PAM: variants seen among roughly 807,000 people sequenced by gnomAD.
PAM encodes peptidyl-glycine alpha-amidating monooxygenase.
PAM carries 72 observed loss-of-function variants against 122.1 expected under a neutral mutation model. The ratio of observed to expected loss-of-function variants is 0.59; its 90% CI spans 0.49 to 0.72. The LOEUF is 0.72. Ranked by LOEUF, PAM falls within the 30% of genes least tolerant of loss-of-function variation. The probability of loss-of-function intolerance (pLI) is 0.00; values close to 1 mark genes in which losing one functional copy is unlikely to be tolerated. For synonymous variants in PAM, 389 were observed against 404.4 expected, an observed-to-expected ratio of 0.96 and a Z score of 0.46; for missense variants, 1,106 against 1,183.7, an observed-to-expected ratio of 0.93 and a Z score of 0.96.
intron 1 of PAM, among the ~76,000 whole-genome samples, chr5:102,798,698 T>C (rs549349197): frequency 1.2e-4 from 19 of 152,326 alleles, no homozygotes; most frequent in African/African-American, 4.6e-4. Flanking sequence ...TAATAAAAAT[T>C]GCAAATCTGG....
intron 1 of PAM, among the ~76,000 whole-genome samples, chr5:102,782,095 T>C (rs1473287291): frequency 6.6e-6 from 1 of 152,230 alleles, no homozygotes; most frequent in East Asian, 1.9e-4. Flanking sequence ...GCTCATGAAA[T>C]GGATATTCCT....
chr5:102,860,670 A>T (rs1428879888), intron 1 of PAM, among the ~76,000 whole-genome samples: 2 of 151,918 alleles, frequency 1.3e-5, no homozygotes, highest in Non-Finnish European at 1.5e-5. Context: ...TGGGCAACAG[A>T]GCGTGAGACC....
intron 1 of PAM, among the ~76,000 whole-genome samples, chr5:102,761,918 A>G (rs921726238): frequency 5.3e-5 from 8 of 152,356 alleles, no homozygotes; most frequent in African/African-American, 1.7e-4. Context: ...CCTTATTTTC[A>G]TAGACATTCC....
chr5:102,835,216 G>C (rs1776658813), intron 1 of PAM, among the ~76,000 whole-genome samples: 1 of 152,058 alleles, frequency 6.6e-6, no homozygotes, highest in Admixed American at 6.6e-5. Context: ...ATGAGTAACA[G>C]CTCTGAGGTT....
intron 3 of PAM, among the ~76,000 whole-genome samples, chr5:102,892,320 C>T (rs547245153): frequency 2.0e-5 from 3 of 151,896 alleles, no homozygotes; most frequent in South Asian, 2.1e-4. Context: ...TACTTGATGA[C>T]GTTGTTTAGT....
intron 3 of PAM, among the ~76,000 whole-genome samples, chr5:102,892,689 G>C (rs1418946966): frequency 6.6e-6 from 1 of 151,762 alleles, no homozygotes; most frequent in African/African-American, 2.4e-5. Flanking sequence ...AAAAATTTAA[G>C]CATCTTTCAA....
chr5:102,856,359 A>C (rs1220997423), intron 1 of PAM, among the ~76,000 whole-genome samples: 2 of 152,206 alleles, frequency 1.3e-5, no homozygotes, highest in African/African-American at 2.4e-5. Flanking sequence ...TAGGCAAATT[A>C]GGATACAAAG....
In PAM at chr5:102,926,645, A is replaced by G. The variant is rs760879285; in HGVS notation, c.503A>G (p.Tyr168Cys). The change falls in exon 7 of 26, where the codon TAT becomes TGT. Residue 168 changes from tyrosine to cysteine, a missense_variant. Around this residue, in one of 3 missense-constraint regions of PAM, gnomAD observed 670 missense variants for 690.3 expected, o/e 0.97. Coordinates refer to ENST00000438793, the MANE Select transcript of PAM (RefSeq NM_001177306.2). ...GSKYFVLQVH[Y>C]GDISAFRDNN... ...AAATACTTTGTACTACAGGTACACTATGGGGATATTAGTGCTTTTAGAGGT... is the reference window on the plus strand; with the variant it reads ...AAATACTTTGTACTACAGGTACACTGTGGGGATATTAGTGCTTTTAGAGGT... 2 of 1,586,250 alleles carry G rather than the reference A, an allele frequency of 1.3e-6. No homozygotes were observed. Among genetic ancestry groups the G allele is most frequent in the South Asian group, 1.1e-5 (1 of 90,460 alleles).
chr5:102,992,298 A>G (rs971464843), intron 16 of PAM, among the ~76,000 whole-genome samples: 4 of 152,032 alleles, frequency 2.6e-5, no homozygotes, highest in African/African-American at 9.7e-5. Flanking sequence ...TACTCACTAA[A>G]TCTCTGTTTC....
chr5:102,859,913 G>A (rs552931228), intron 1 of PAM, among the ~76,000 whole-genome samples: 7 of 152,254 alleles, frequency 4.6e-5, no homozygotes, highest in Admixed American at 6.5e-5. Flanking sequence ...GCAGTAGACC[G>A]TATAGAGCCT....
intron 1 of PAM, among the ~76,000 whole-genome samples, chr5:102,761,272 C>T (rs1039831407): frequency 1.3e-5 from 2 of 152,126 alleles, no homozygotes; most frequent in African/African-American, 4.8e-5. Context: ...AATGACACCG[C>T]AGAATTAAGG....
chr5:102,997,574 C>A (rs1385213210), intron 16 of PAM, among the ~76,000 whole-genome samples: 1 of 151,554 alleles, frequency 6.6e-6, no homozygotes, highest in Non-Finnish European at 1.5e-5. Context: ...CCTTATTTTT[C>A]TTCCCATTCC....
intron 1 of PAM, among the ~76,000 whole-genome samples, chr5:102,791,057 A>G (rs1340831492): frequency 6.6e-6 from 1 of 152,140 alleles, no homozygotes; most frequent in Admixed American, 6.5e-5. Flanking sequence ...TTCTCCTGTC[A>G]CTAAATGTTC....
At chr5:102,848,138 C>T (rs1780409884) in intron 1 of PAM, among the ~76,000 whole-genome samples, 1 of 151,904 alleles carries the variant, frequency 6.6e-6, no homozygotes, top group South Asian at 2.1e-4. Context: ...TTCTCTTTCT[C>T]TCTCTTCATG....
At chr5:102,786,369 TA>T (rs1240283776) in intron 1 of PAM, among the ~76,000 whole-genome samples, 5 of 152,234 alleles carry the variant, frequency 3.3e-5, no homozygotes, top group African/African-American at 1.2e-4. Context: ...TTAAAACCTG[TA>T]AAAGTACTTT....
intron 1 of PAM, among the ~76,000 whole-genome samples, chr5:102,814,475 T>A (rs1193291511): frequency 6.6e-6 from 1 of 151,048 alleles, no homozygotes; most frequent in Non-Finnish European, 1.5e-5. Context: ...TGACCTCAGA[T>A]CTCAAGTAGT....
chr5:103,025,507 A>G, intron 24 of PAM, 173 bp downstream of exon 24: 1 of 645,220 alleles, frequency 1.5e-6, no homozygotes, highest in Non-Finnish European at 2.8e-6. Flanking sequence ...CCTAGTTAAT[A>G]TCACAGTACA....
chr5:102,867,304 G>GA lies in PAM; in HGVS notation c.123dup (p.Cys42MetfsTer12), dbSNP rs1785917733. On this transcript the variant is annotated frameshift_variant, in exon 3 of 26. Transcript: ENST00000438793. LOFTEE classifies it high-confidence loss of function. ...AGAAACTACCAGACCATTTTCCAATGAATGTCTTGGTACCACCAGACCCGT... is the reference window on the plus strand; with the variant it reads ...AGAAACTACCAGACCATTTTCCAATGAAATGTCTTGGTACCACCAGACCCGT... 1 of 1,602,452 alleles carries GA rather than the reference G, an allele frequency of 6.2e-7. No homozygotes were observed. Among genetic ancestry groups the GA allele is most frequent in the Admixed American group, 1.7e-5 (1 of 59,964 alleles).
At chr5:102,944,305 T>A (rs1756263705) in intron 7 of PAM, among the ~76,000 whole-genome samples, 1 of 152,136 alleles carries the variant, frequency 6.6e-6, no homozygotes, top group African/African-American at 2.4e-5. Flanking sequence ...TTAACAGGGA[T>A]GTCTTGGGGT....
Sources: allele counts gnomAD v4.1 joint callset (sites outside exome capture counted in the v4.1 genomes callset), GRCh38; gene constraint gnomAD v4.1.1; regional missense constraint gnomAD v4.1.1; transcripts MANE v1.5; gene names NCBI Gene and HGNC (gene_info 2026-07-23, HGNC 2026-07-21).